ATE1: variants seen among roughly 807,000 people sequenced by gnomAD.
The protein encoded by ATE1 is arginyltransferase 1.
A neutral mutation model predicts 70.5 loss-of-function variants in ATE1; 36 were observed. The ratio of observed to expected loss-of-function variants is 0.51; its 90% CI spans 0.39 to 0.67. ATE1 has a LOEUF of 0.67. Ranked by LOEUF, ATE1 falls within the 30% of genes least tolerant of loss-of-function variation. The pLI is 0.00. For missense variants in ATE1, 593 were observed against 629.5 expected, an observed-to-expected ratio of 0.94 and a Z score of 0.62; for synonymous variants, 232 against 219.3, an observed-to-expected ratio of 1.06 and a Z score of -0.51.
At chr10:121,765,765 C>T (rs1348802813) in intron 11 of ATE1, among the ~76,000 whole-genome samples, 2 of 152,150 alleles carry the variant, frequency 1.3e-5, no homozygotes, top group Admixed American at 6.5e-5. Flanking sequence ...AAAATAACCT[C>T]GGTTGTCACT....
At chr10:121,811,648 AC>A (rs1400799911) in intron 10 of ATE1, among the ~76,000 whole-genome samples, 1 of 152,204 alleles carries the variant, frequency 6.6e-6, no homozygotes, top group Non-Finnish European at 1.5e-5. Flanking sequence ...AAAACTGCTT[AC>A]CAGATCCTCA....
intron 7 of ATE1, among the ~76,000 whole-genome samples, chr10:121,876,127 C>T (rs1402632983): frequency 6.6e-6 from 1 of 152,048 alleles, no homozygotes. Context: ...AGTTCTGGTC[C>T]CTACCCAATA....
intron 8 of ATE1, among the ~76,000 whole-genome samples, chr10:121,868,193 G>A (rs979642542): frequency 8.5e-5 from 13 of 152,134 alleles, no homozygotes; most frequent in Non-Finnish European, 1.8e-4. Context: ...ATTACTAATA[G>A]GAGTAAACAT....
chr10:121,771,844 T>C (rs1945531338), intron 11 of ATE1, among the ~76,000 whole-genome samples: 1 of 152,228 alleles, frequency 6.6e-6, no homozygotes, highest in African/African-American at 2.4e-5. Context: ...GTGACATTCA[T>C]TTTACGCTTT....
intron 7 of ATE1, among the ~76,000 whole-genome samples, chr10:121,887,676 C>A (rs931570160): frequency 3.3e-5 from 5 of 152,208 alleles, no homozygotes; most frequent in African/African-American, 9.6e-5. Flanking sequence ...ACTTGCACTC[C>A]AGCCTGGGCA....
intron 10 of ATE1, among the ~76,000 whole-genome samples, chr10:121,819,640 G>C (rs1282925055): frequency 1.6e-5 from 2 of 126,452 alleles, no homozygotes; most frequent in Non-Finnish European, 3.1e-5. Context: ...CTGGGAGACA[G>C]AGCTTGCAGT....
At chr10:121,819,571 G>C (rs569723462) in intron 10 of ATE1, among the ~76,000 whole-genome samples, 1 of 150,900 alleles carries the variant, frequency 6.6e-6, no homozygotes, top group Admixed American at 6.6e-5. Flanking sequence ...GCCAGGCGTG[G>C]TGGCAGGTGC....
chr10:121,887,750 T>C (rs1012977917), intron 7 of ATE1, among the ~76,000 whole-genome samples: 1 of 151,958 alleles, frequency 6.6e-6, no homozygotes, highest in African/African-American at 2.4e-5. Flanking sequence ...CAGATGGCAA[T>C]GGATTATAGC....
intron 11 of ATE1, among the ~76,000 whole-genome samples, chr10:121,779,043 A>T (rs1945868821): frequency 6.6e-6 from 1 of 152,148 alleles, no homozygotes; most frequent in African/African-American, 2.4e-5. Context: ...GTAAAATCAG[A>T]CACTCGCTCT....
At chr10:121,837,113 T>C (rs1948461215) in intron 9 of ATE1, among the ~76,000 whole-genome samples, 1 of 152,248 alleles carries the variant, frequency 6.6e-6, no homozygotes, top group Non-Finnish European at 1.5e-5. Flanking sequence ...CAGTGTCCTG[T>C]TATTATTCAT....
At chr10:121,796,571 T>G (rs1304696043) in intron 10 of ATE1, among the ~76,000 whole-genome samples, 1 of 152,208 alleles carries the variant, frequency 6.6e-6, no homozygotes, top group Non-Finnish European at 1.5e-5. Flanking sequence ...TTACACAAAG[T>G]AGAGCTGTAA....
chr10:121,845,070 G>A (rs149547812), intron 8 of ATE1, among the ~76,000 whole-genome samples: 1 of 152,160 alleles, frequency 6.6e-6, no homozygotes, highest in African/African-American at 2.4e-5. Context: ...ACACTTAAGA[G>A]ACTACAGTGT....
At chr10:121,858,852 T>C (rs564772396) in intron 8 of ATE1, among the ~76,000 whole-genome samples, 5 of 151,992 alleles carry the variant, frequency 3.3e-5, no homozygotes, top group South Asian at 2.1e-4. Flanking sequence ...TCCCAGCACT[T>C]TGGGATGCCG....
At chr10:121,757,978 AT>A (rs1488868666) in intron 11 of ATE1, among the ~76,000 whole-genome samples, 2 of 152,146 alleles carry the variant, frequency 1.3e-5, no homozygotes, top group Admixed American at 1.3e-4. Context: ...GTATTTTCAT[AT>A]TGTTTCTTTT....
At chr10:121,807,990 T>G (rs1017060902) in intron 10 of ATE1, among the ~76,000 whole-genome samples, 10 of 152,070 alleles carry the variant, frequency 6.6e-5, no homozygotes, top group African/African-American at 2.2e-4. Flanking sequence ...TGCCGACTCT[T>G]ACTGTAAAAA....
intron 8 of ATE1, among the ~76,000 whole-genome samples, chr10:121,859,682 C>T (rs1368607452): frequency 6.6e-6 from 1 of 152,100 alleles, no homozygotes; most frequent in Non-Finnish European, 1.5e-5. Context: ...TGACTCATGC[C>T]TGTAATCCCA....
intron 10 of ATE1, among the ~76,000 whole-genome samples, chr10:121,833,231 G>GT (rs1212298723): frequency 5.3e-5 from 8 of 151,430 alleles, no homozygotes; most frequent in African/African-American, 4.9e-5. Flanking sequence ...TTAGAACTGC[G>GT]TATCTGTTAC....
chr10:121,836,761 T>C lies in ATE1; in HGVS notation c.1214A>G (p.Tyr405Cys), dbSNP rs1434949971. The part of the protein sequence containing the change: ...HEKTSQLSYY[Y>C]MGFYIHSCPK... ...ACATGAATGAATGTAGAAACCCATA[T>C]AATAATAGCTGAGTTGAGAAGTTTT... is the stretch of plus-strand genomic sequence containing the variant. Residue 405 changes from tyrosine (Y) to cysteine (C), a missense_variant, in exon 10 of 12, where the codon TAT (tyrosine) becomes TGT (cysteine). By Grantham distance (194) the Tyr-to-Cys change is radical. Around this residue, in one of 3 missense-constraint regions of ATE1, gnomAD observed 36 missense variants for 66.3 expected, o/e 0.54. Coordinates refer to ENST00000224652, the MANE Select transcript of ATE1 (RefSeq NM_001001976.3). 6.2e-7 allele frequency: 1 copy of C among 1,601,588 alleles called. No individual in the cohort carries two copies. Among genetic ancestry groups the C allele is most frequent in the Non-Finnish European group, 8.5e-7 (1 of 1,174,978 alleles).
chr10:121,861,846 T>C (rs550461000), intron 8 of ATE1, among the ~76,000 whole-genome samples: 2 of 152,112 alleles, frequency 1.3e-5, no homozygotes, highest in Non-Finnish European at 2.9e-5. Context: ...CCCTCATGAC[T>C]AGGGTTAACA....
Sources: gnomAD v4.1 joint callset for allele counts (sites outside exome capture counted in the v4.1 genomes callset) on GRCh38, gnomAD v4.1.1 for gene constraint, gnomAD v4.1.1 regional missense constraint, MANE v1.5 for transcripts, NCBI Gene and HGNC (gene_info 2026-07-23, HGNC 2026-07-21) for gene names.